The following C5orf52 variants were observed in gnomAD, a reference collection of about 807,000 sequenced individuals.
The protein encoded by C5orf52 is uncharacterized protein C5orf52.
In C5orf52, 15 loss-of-function variants were observed where a neutral mutation model predicts 16.8. The ratio of observed to expected loss-of-function variants is 0.89; its 90% CI spans 0.60 to 1.38. The LOEUF (loss-of-function observed/expected upper bound fraction) is 1.38. C5orf52 is among the 40% of genes most tolerant of loss of function. The pLI is 0.00. For synonymous variants in C5orf52, 83 were observed against 87.2 expected (o/e 0.95, Z 0.27); for missense variants, 206 against 213.1 (o/e 0.97, Z 0.21).
chr5:157,678,988 G>T (rs1222009441), intron 2 of C5orf52, among the ~76,000 whole-genome samples: 1 of 151,934 alleles, frequency 6.6e-6, no homozygotes, highest in African/African-American at 2.4e-5. Flanking sequence ...CAAAAAATTA[G>T]CCAGGTGTGG....
chr5:157,671,514 G>A, upstream of C5orf52: 1 of 1,008,960 alleles, frequency 9.9e-7, no homozygotes, highest in Non-Finnish European at 1.4e-6. Context: ...GCTCGGTTCA[G>A]GGCTCCGCCC....
Position 157,671,597 on chromosome 5 carries a change from T to C in C5orf52, c.-18T>C. ...CCAGCCACCAGTTTCCAACTCTTTC[T>C]CCAACAGGGAAGCCGCAATGACACA... is the stretch of plus-strand genomic sequence containing the variant. On this transcript the variant is annotated 5_prime_UTR_variant, in exon 1 of 3. Coordinates refer to ENST00000409999, the MANE Select transcript of C5orf52 (RefSeq NM_001145132.2). The C allele has an allele frequency of 6.5e-7, 1 of 1,540,282 alleles. No individual in the cohort carries two copies. Among genetic ancestry groups the C allele is most frequent in the Non-Finnish European group, 8.8e-7 (1 of 1,141,684 alleles).
At chr5:157,672,801 G>A (rs1759821699) in intron 1 of C5orf52, among the ~76,000 whole-genome samples, 2 of 151,982 alleles carry the variant, frequency 1.3e-5, no homozygotes, top group African/African-American at 4.8e-5. Flanking sequence ...GATTACAGGC[G>A]TGCACCACCA....
chr5:157,675,606 C>T lies in C5orf52; in HGVS notation c.321+406C>T, dbSNP rs1193016519. ...ATCACTTGAGGTCAGGAATTCGAGA[C>T]CAGCCTGGCCAATATGGTGAAATCC... is the stretch of plus-strand genomic sequence containing the variant. On this transcript the variant is annotated intron_variant, in intron 2 of 2. Coordinates refer to ENST00000409999, the MANE Select transcript of C5orf52 (RefSeq NM_001145132.2). Among the ~76,000 whole-genome samples the T allele has an allele frequency of 2.0e-5, 3 of 152,064 alleles. No individual in the cohort carries two copies. In the East Asian group the frequency reaches 5.8e-4, roughly 29 times the overall value.
chr5:157,675,302 T>G, intron 2 of C5orf52, 102 bp downstream of exon 2: 3 of 722,166 alleles, frequency 4.2e-6, no homozygotes, highest in Non-Finnish European at 6.9e-6. Flanking sequence ...TGATAGGGAG[T>G]CATCAAGGTG....
chr5:157,673,591 T>A (rs2113865005), intron 1 of C5orf52, among the ~76,000 whole-genome samples: 1 of 152,302 alleles, frequency 6.6e-6, no homozygotes, highest in African/African-American at 2.4e-5. Context: ...TTTTATGACA[T>A]ACCAAAATTT....
chr5:157,675,740 A>G (rs1420672361), intron 2 of C5orf52, among the ~76,000 whole-genome samples: 1 of 152,168 alleles, frequency 6.6e-6, no homozygotes, highest in East Asian at 1.9e-4. Context: ...ACAGAAAACC[A>G]AAGTCTTGGG....
intron 1 of C5orf52, among the ~76,000 whole-genome samples, chr5:157,672,655 A>T (rs992137186): frequency 5.3e-5 from 8 of 152,262 alleles, no homozygotes; most frequent in African/African-American, 1.9e-4. Flanking sequence ...CATAGGTCAG[A>T]AAAATGTAAA....
At chr5:157,678,632 T>G (rs1158039565) in intron 2 of C5orf52, among the ~76,000 whole-genome samples, 2 of 152,158 alleles carry the variant, frequency 1.3e-5, no homozygotes, top group African/African-American at 2.4e-5. Context: ...AGGTTTTTTT[T>G]GTATTTTGAG....
chr5:157,671,314 G>C (rs893209666), upstream of C5orf52: 23 of 421,670 alleles, frequency 5.5e-5, no homozygotes, highest in Middle Eastern at 2.5e-3. Flanking sequence ...AAGCGGAAAA[G>C]GTCTGCTCAG....
intron 2 of C5orf52, 93 bp from the exon 3 acceptor site, chr5:157,679,748 C>A: frequency 8.2e-7 from 1 of 1,212,162 alleles, no homozygotes; most frequent in Admixed American, 2.8e-5. Flanking sequence ...CCCACTCCCC[C>A]ATCAGTAGCA....
intron 2 of C5orf52, among the ~76,000 whole-genome samples, chr5:157,675,625 G>A (rs1759879002): frequency 6.6e-6 from 1 of 152,188 alleles, no homozygotes; most frequent in East Asian, 1.9e-4. Flanking sequence ...CCAATATGGT[G>A]AAATCCTGTC....
chr5:157,679,964 C>T lies in C5orf52; in HGVS notation c.445C>T (p.Arg149Trp), dbSNP rs544107234. Residue 149 changes from arginine (R) to tryptophan (W), a missense_variant, in exon 3 of 3, where the codon CGG becomes TGG. Physicochemically the swap from Arg to Trp is moderately radical, Grantham distance 101. Transcript: ENST00000409999. Reference protein sequence around the residue: ...RWREESVNSNRYLTFGIPPPV With the variant: ...RWREESVNSNWYLTFGIPPPV ...GAGAGAGGAATCCGTGAACAGCAAC[C>T]GGTACTTAACCTTCGGGATACCACC... 119 of 1,551,664 alleles carry T rather than the reference C, an allele frequency of 7.7e-5. 1 individual carries two copies. The South Asian group carries it at 1.2e-3, about 15-fold the overall frequency.
intron 2 of C5orf52, among the ~76,000 whole-genome samples, chr5:157,678,457 G>GCTTTT (rs1474958461): frequency 3.3e-5 from 5 of 151,976 alleles, no homozygotes; most frequent in Admixed American, 1.3e-4. Context: ...TCTCTGGGTA[G>GCTTTT]CTTTTCTTTT....
At chr5:157,673,164 C>T (rs1759829374) in intron 1 of C5orf52, among the ~76,000 whole-genome samples, 1 of 151,722 alleles carries the variant, frequency 6.6e-6, no homozygotes, top group African/African-American at 2.4e-5. Context: ...ATGGCGAAAC[C>T]CTGTCTCTAC....
chr5:157,675,290 G>T, intron 2 of C5orf52, 90 bp downstream of exon 2: 1 of 800,936 alleles, frequency 1.2e-6, no homozygotes, highest in Non-Finnish European at 2.0e-6. Flanking sequence ...ATATCATAGA[G>T]GTGATAGGGA....
intron 2 of C5orf52, among the ~76,000 whole-genome samples, chr5:157,676,844 C>T (rs1049165759): frequency 6.7e-6 from 1 of 148,830 alleles, no homozygotes; most frequent in Non-Finnish European, 1.5e-5. Flanking sequence ...ATCTTTGTAT[C>T]CCCTTTTTTT....
chr5:157,671,574 A>G lies in C5orf52; in HGVS notation c.-41A>G, dbSNP rs1411003740. 1.3e-6 allele frequency: 2 copies of G among 1,506,684 alleles called. No individual in the cohort carries two copies. Among genetic ancestry groups the G allele is most frequent in the South Asian group, 2.5e-5 (2 of 79,452 alleles). The allele number at this position is 1,506,684 out of a possible 1,614,324, so 93.3% of individuals were successfully genotyped here. A position where few individuals can be genotyped will look rare whatever the true frequency, so the allele number is the denominator to read the frequency against. On this transcript the variant is annotated 5_prime_UTR_variant, in exon 1 of 3. Coordinates refer to ENST00000409999, the MANE Select transcript of C5orf52 (RefSeq NM_001145132.2). ...CGCCCACCTAGGTGGGCTGGCAACCAGCCACCAGTTTCCAACTCTTTCTCC... is the reference window on the plus strand; with the variant it reads ...CGCCCACCTAGGTGGGCTGGCAACCGGCCACCAGTTTCCAACTCTTTCTCC...
At chr5:157,671,010 G>A (rs1410306084), upstream of C5orf52, among the ~76,000 whole-genome samples, 1 of 152,178 alleles carries the variant, frequency 6.6e-6, no homozygotes, top group African/African-American at 2.4e-5. Context: ...ATTGGAATAG[G>A]CTTCTTCGCC....
Sources: allele counts gnomAD v4.1 joint callset (sites outside exome capture counted in the v4.1 genomes callset), GRCh38; gene constraint gnomAD v4.1.1; transcripts MANE v1.5; gene names NCBI Gene and HGNC (gene_info 2026-07-23, HGNC 2026-07-21).